STAT4: variants seen among roughly 807,000 people sequenced by gnomAD.
The protein encoded by STAT4 is signal transducer and activator of transcription 4.
Under a neutral mutation model 110.5 loss-of-function variants are expected in STAT4, and 42 were observed. That is an observed-to-expected ratio of 0.38 (90% CI 0.30 to 0.49). The LOEUF is 0.49. Among genes scored for constraint, STAT4 ranks in the 20% least tolerant of loss-of-function variants. The pLI, the probability that STAT4 is intolerant of heterozygous loss-of-function variation, is 0.95. For synonymous variants in STAT4, 284 were observed against 302.2 expected, an observed-to-expected ratio of 0.94 and a Z score of 0.63; for missense variants, 632 against 887.9, an observed-to-expected ratio of 0.71 and a Z score of 3.66.
At position 191,030,840 on chromosome 2, in the gene STAT4, A is replaced by G; in HGVS notation, c.2220+132T>C. 1 of 773,560 alleles carries G rather than the reference A, an allele frequency of 1.3e-6. No individual in the cohort carries two copies. The highest frequency in any genetic ancestry group is 2.2e-6 in the Non-Finnish European group (1 of 460,346). The allele number at this position is 773,560 out of a possible 1,614,324, so 47.9% of individuals were successfully genotyped here. A position where few individuals can be genotyped will look rare whatever the true frequency, so the allele number is the denominator to read the frequency against. On this transcript the variant is annotated intron_variant, in intron 23 of 23. Coordinates refer to ENST00000392320, the MANE Select transcript of STAT4 (RefSeq NM_003151.4). This position sits in a 1 kb window ranked among gnomAD's most constrained non-coding sequence, Gnocchi z 4.4. The stretch of plus-strand genomic sequence containing the variant: ...GGACCATCCAGACACCTTTTGTGTT[A>G]TGCTCATGAATTTGTTCCAATAAAT...
Position 191,146,970 on chromosome 2 carries a change from A to G in STAT4, c.129-213T>C, listed in dbSNP as rs1699478751. On this transcript the variant is annotated intron_variant, in intron 2 of 23. Coordinates refer to ENST00000392320, the MANE Select transcript of STAT4 (RefSeq NM_003151.4). The surrounding 1 kb of genome is among the most constrained non-coding windows in gnomAD (Gnocchi z 4.5). ...CAGAGTAAGATACCACTTCATACCCATTAGGGTGGCTATTATAAAAAGGAA... is the reference window on the plus strand; with the variant it reads ...CAGAGTAAGATACCACTTCATACCCGTTAGGGTGGCTATTATAAAAAGGAA... 6.6e-6 allele frequency among the ~76,000 whole-genome samples: 1 copy of G among 152,196 alleles called. No homozygotes were observed. The highest frequency in any genetic ancestry group is 1.9e-4 in the East Asian group (1 of 5,204).
Position 191,148,310 on chromosome 2 carries a change from A to G in STAT4, c.-1-106T>C, listed in dbSNP as rs1462809468. Reference sequence around the variant, plus strand: ...GTCAATGTTATGACTGAATTCCAATATATCCAAGGATACAAAAATTTCACT... The same window carrying G: ...GTCAATGTTATGACTGAATTCCAATGTATCCAAGGATACAAAAATTTCACT... On this transcript the variant is annotated intron_variant, in intron 1 of 23. Transcript: ENST00000392320. The G allele has an allele frequency of 6.6e-6, 9 of 1,359,036 alleles. No individual in the cohort carries two copies. The Admixed American group carries it at 1.8e-4, about 27-fold the overall frequency. The allele number at this position is 1,359,036 out of a possible 1,614,324, so 84.2% of individuals were successfully genotyped here.
Position 191,059,211 on chromosome 2 carries a change from A to C in STAT4, c.1035-442T>G, listed in dbSNP as rs1696784284. On this transcript the variant is annotated intron_variant, in intron 10 of 23. Coordinates refer to ENST00000392320, the MANE Select transcript of STAT4 (RefSeq NM_003151.4). This position sits in a 1 kb window ranked among gnomAD's most constrained non-coding sequence, Gnocchi z 4.7. ...TTTTATGGTGAACATACTAAGACAG[A>C]ACTGTAGTAAAATATGGAAAATCCC... is the stretch of plus-strand genomic sequence containing the variant. Among the ~76,000 whole-genome samples, 1 of 152,246 alleles carries C rather than the reference A, an allele frequency of 6.6e-6. No homozygotes were observed. The highest frequency in any genetic ancestry group is 1.5e-5 in the Non-Finnish European group (1 of 68,042).
At position 191,099,341 on chromosome 2, in the gene STAT4, CA is replaced by C. The variant is rs1698095615; in HGVS notation, c.274-23017del. On this transcript the variant is annotated intron_variant, in intron 3 of 23. Transcript: ENST00000392320. The surrounding 1 kb of genome is among the most constrained non-coding windows in gnomAD (Gnocchi z 4.1). ...TTTAAAATGCTTATATTTTGACTAG[CA>C]AGTCCATATCTAGGAATCCATCCAA... Among the ~76,000 whole-genome samples, 1 of 152,040 alleles carries C rather than the reference CA, an allele frequency of 6.6e-6. No individual in the cohort carries two copies. The highest frequency in any genetic ancestry group is 2.4e-5 in the African/African-American group (1 of 41,402).
At chr2:191,120,925 T>A (rs1698707666) in intron 3 of STAT4, among the ~76,000 whole-genome samples, 1 of 152,124 alleles carries the variant, frequency 6.6e-6, no homozygotes, top group Admixed American at 6.5e-5. Flanking sequence ...ACAAATGGGA[T>A]CTCATTAAAC....
At chr2:191,067,492 C>T (rs1295842195) in intron 6 of STAT4, among the ~76,000 whole-genome samples, 1 of 152,140 alleles carries the variant, frequency 6.6e-6, no homozygotes, top group Non-Finnish European at 1.5e-5. Context: ...AAACTTCGTC[C>T]CAAACCGTTG....
chr2:191,074,773 A>T (rs16833238), intron 4 of STAT4, among the ~76,000 whole-genome samples: 11,280 of 152,300 alleles, frequency 0.074, 516 homozygotes, highest in Middle Eastern at 0.16. Flanking sequence ...ATCCTTCTTC[A>T]TCTAAAAAAT....
chr2:191,078,905 G>GTTTTGCACCAT (rs1697388907), intron 3 of STAT4, among the ~76,000 whole-genome samples: 1 of 151,978 alleles, frequency 6.6e-6, no homozygotes, highest in South Asian at 2.1e-4. Context: ...TTTCTTTGTG[G>GTTTTGCACCAT]TTTTGCACCA....
intron 3 of STAT4, among the ~76,000 whole-genome samples, chr2:191,141,529 T>C (rs59171454): frequency 1.4e-5 from 2 of 146,098 alleles, no homozygotes; most frequent in South Asian, 4.2e-4. Flanking sequence ...GTATATCACA[T>C]ATACATATAT....
chr2:191,038,753 T>C (rs538183073), intron 16 of STAT4, among the ~76,000 whole-genome samples: 5 of 152,346 alleles, frequency 3.3e-5, no homozygotes, highest in African/African-American at 1.2e-4. Flanking sequence ...CTTGAAAATG[T>C]GCACTGTCAG....
intron 3 of STAT4, among the ~76,000 whole-genome samples, chr2:191,105,773 T>G (rs1698261722): frequency 6.6e-6 from 1 of 152,248 alleles, no homozygotes; most frequent in Non-Finnish European, 1.5e-5. Flanking sequence ...TGCATGGTAC[T>G]GAATTATCTG....
chr2:191,054,345 G>T, intron 14 of STAT4, 145 bp downstream of exon 14: 1 of 638,160 alleles, frequency 1.6e-6, no homozygotes, highest in Non-Finnish European at 2.6e-6. Flanking sequence ...TCCTCATATT[G>T]TCTGCAATTA....
intron 3 of STAT4, among the ~76,000 whole-genome samples, chr2:191,076,728 C>T (rs534395229): frequency 1.3e-5 from 2 of 151,600 alleles, no homozygotes; most frequent in Non-Finnish European, 2.9e-5. Context: ...TCACCACAAC[C>T]TCCACCTCCC....
Position 191,126,699 on chromosome 2 carries a change from G to C in STAT4, c.273+19914C>G, listed in dbSNP as rs926231859. Among the ~76,000 whole-genome samples, 3 of 152,186 alleles carry C rather than the reference G, an allele frequency of 2.0e-5. No homozygotes were observed. In the East Asian group the frequency reaches 5.8e-4, roughly 29 times the overall value. ...CAGGCCAGCAGATTCACATGCTGGGGTTTCCATGTCAGCTCCTGGACAGAT... is the reference window on the plus strand; with the variant it reads ...CAGGCCAGCAGATTCACATGCTGGGCTTTCCATGTCAGCTCCTGGACAGAT... On this transcript the variant is annotated intron_variant, in intron 3 of 23. Coordinates refer to ENST00000392320, the MANE Select transcript of STAT4 (RefSeq NM_003151.4).
In STAT4 at chr2:191,104,054, G is replaced by T. The variant is rs1698213113; in HGVS notation, c.274-27729C>A. Among the ~76,000 whole-genome samples the T allele has an allele frequency of 1.3e-5, 2 of 152,058 alleles. No homozygotes were observed. Among genetic ancestry groups the T allele is most frequent in the African/African-American group, 4.8e-5 (2 of 41,418 alleles). The stretch of plus-strand genomic sequence containing the variant: ...TCTAGGTATCAAGGCCTTTGTGATA[G>T]CTTTTTGATGTACAATACTGAAGAA... On this transcript the variant is annotated intron_variant, in intron 3 of 23. Transcript: ENST00000392320. This position sits in a 1 kb window ranked among gnomAD's most constrained non-coding sequence, Gnocchi z 4.3.
In STAT4 at chr2:191,093,170, TC is replaced by T. The variant is rs376167835; in HGVS notation, c.274-16846del. Reference sequence around the variant, plus strand: ...ACTTCTGCAGACTTGAACAACCCTGTCTGACAGCTCTGAAGAGAGCAGTGGT... The same window carrying T: ...ACTTCTGCAGACTTGAACAACCCTGTTGACAGCTCTGAAGAGAGCAGTGGT... On this transcript the variant is annotated intron_variant, in intron 3 of 23. Coordinates refer to ENST00000392320, the MANE Select transcript of STAT4 (RefSeq NM_003151.4). Among the ~76,000 whole-genome samples, 17 of 152,310 alleles carry T rather than the reference TC, an allele frequency of 1.1e-4. No individual in the cohort carries two copies. The East Asian group carries it at 3.3e-3, about 29-fold the overall frequency.
chr2:191,093,254 C>A (rs999495049), intron 3 of STAT4, among the ~76,000 whole-genome samples: 1 of 152,188 alleles, frequency 6.6e-6, no homozygotes, highest in Non-Finnish European at 1.5e-5. Flanking sequence ...CAAGTGGATC[C>A]CTGACCCCTG....
At position 191,138,430 on chromosome 2, in the gene STAT4, C is replaced by T. The variant is rs1331606735; in HGVS notation, c.273+8183G>A. Among the ~76,000 whole-genome samples, 1 of 151,924 alleles carries T rather than the reference C, an allele frequency of 6.6e-6. No homozygotes were observed. The highest frequency in any genetic ancestry group is 1.5e-5 in the Non-Finnish European group (1 of 67,956). On this transcript the variant is annotated intron_variant, in intron 3 of 23. Transcript: ENST00000392320. This position sits in a 1 kb window ranked among gnomAD's most constrained non-coding sequence, Gnocchi z 4.3. ...TTCGCATCGAGAAATGAAACTACAG[C>T]CAATACCGCAGAAATACAAAAGATT...
chr2:191,088,265 T>C (rs1030110127), intron 3 of STAT4, among the ~76,000 whole-genome samples: 1 of 152,106 alleles, frequency 6.6e-6, no homozygotes, highest in South Asian at 2.1e-4. Context: ...TGCTTTCCTA[T>C]TGAACAGGAA....
Sources: allele counts gnomAD v4.1 joint callset (sites outside exome capture counted in the v4.1 genomes callset), GRCh38; gene constraint gnomAD v4.1.1; non-coding constraint Gnocchi (gnomAD v3.1); transcripts MANE v1.5; gene names NCBI Gene and HGNC (gene_info 2026-07-23, HGNC 2026-07-21).